The following DLC1 variants were observed in gnomAD, a reference collection of about 807,000 sequenced individuals.
DLC1 encodes the protein rho GTPase-activating protein 7.
In DLC1, 54 loss-of-function variants were observed where a neutral mutation model predicts 140.3. The observed-to-expected ratio is 0.38, with a 90% CI of 0.31 to 0.48. The LOEUF is 0.48. Among genes scored for constraint, DLC1 ranks in the 20% least tolerant of loss-of-function variants. The pLI is 0.96. For synonymous variants in DLC1, 986 were observed against 728.1 expected, an observed-to-expected ratio of 1.35 and a Z score of -5.70; for missense variants, 2,536 against 1,907.0, an observed-to-expected ratio of 1.33 and a Z score of -6.14.
intron 5 of DLC1, chr8:13,214,558 T>A (rs1291010822): frequency 6.7e-6 from 1 of 149,758 alleles, no homozygotes; most frequent in African/African-American, 6.8e-5. Flanking sequence ...CAACCCCACC[T>A]TTTTTTTTTT....
At chr8:13,212,273 G>GTCTA (rs1178613465) in intron 5 of DLC1, among the ~76,000 whole-genome samples, 1 of 152,042 alleles carries the variant, frequency 6.6e-6, no homozygotes, top group Non-Finnish European at 1.5e-5. Flanking sequence ...CCTCTGCCCT[G>GTCTA]TCTATATTCC....
chr8:13,576,723 C>A (rs1029032317), intron 1 of DLC1, among the ~76,000 whole-genome samples: 2 of 152,078 alleles, frequency 1.3e-5, no homozygotes, highest in African/African-American at 4.8e-5. Flanking sequence ...ATGAATCTCC[C>A]CAGAGTAGGG....
At chr8:13,359,870 C>T (rs57906388) in intron 4 of DLC1, among the ~76,000 whole-genome samples, 2 of 152,084 alleles carry the variant, frequency 1.3e-5, no homozygotes, top group East Asian at 3.9e-4. Context: ...TCATGCTATT[C>T]AGGCCATTAT....
intron 4 of DLC1, among the ~76,000 whole-genome samples, chr8:13,374,774 T>A (rs1586230701): frequency 6.6e-6 from 1 of 152,136 alleles, no homozygotes; most frequent in East Asian, 1.9e-4. Flanking sequence ...AGAGAGAGAC[T>A]CCGTCTTGGG....
At chr8:13,489,534 A>G (rs962596401) in intron 2 of DLC1, among the ~76,000 whole-genome samples, 2 of 151,898 alleles carry the variant, frequency 1.3e-5, no homozygotes, top group African/African-American at 2.4e-5. Flanking sequence ...TGTATATATT[A>G]ACTCATTTAA....
chr8:13,559,888 C>T (rs1804179580), intron 1 of DLC1, among the ~76,000 whole-genome samples: 1 of 151,440 alleles, frequency 6.6e-6, no homozygotes, highest in South Asian at 2.1e-4. Context: ...TGTTCAATAG[C>T]ACTGCCCAAA....
intron 5 of DLC1, among the ~76,000 whole-genome samples, chr8:13,303,981 C>A (rs772274393): frequency 6.6e-6 from 1 of 152,158 alleles, no homozygotes; most frequent in Non-Finnish European, 1.5e-5. Flanking sequence ...GACCAGCCAA[C>A]AACTCACATC....
intron 5 of DLC1, among the ~76,000 whole-genome samples, chr8:13,120,212 G>A (rs531122699): frequency 4.0e-5 from 6 of 150,584 alleles, no homozygotes; most frequent in South Asian, 2.1e-4. Flanking sequence ...GCGTGGTGGC[G>A]GGTGCCTGTA....
chr8:13,173,152 G>A lies in DLC1; in HGVS notation c.1349-57495C>T, dbSNP rs138674673. On this transcript the variant is annotated intron_variant, in intron 5 of 17. Coordinates refer to ENST00000276297, the MANE Select transcript of DLC1 (RefSeq NM_182643.3). ...CTTGAATAGCTTGAAGTAGACAAAC[G>A]TTTGAGCCCTATTTTTAAAGTTCCC... 4.6e-5 allele frequency among the ~76,000 whole-genome samples: 7 copies of A among 152,182 alleles called. 1 individual carries two copies. The highest frequency in any genetic ancestry group is 1.7e-4 in the African/African-American group (7 of 41,544).
At chr8:13,543,848 AG>A (rs1228958814) in intron 1 of DLC1, among the ~76,000 whole-genome samples, 1 of 152,032 alleles carries the variant, frequency 6.6e-6, no homozygotes, top group Admixed American at 6.6e-5. Context: ...AGAAGAGGGG[AG>A]GGCGAGTGGG....
intron 5 of DLC1, among the ~76,000 whole-genome samples, chr8:13,273,395 T>C (rs924418186): frequency 1.3e-5 from 2 of 151,936 alleles, no homozygotes; most frequent in African/African-American, 4.8e-5. Context: ...TACCTTGGGG[T>C]TGGGAATAAT....
At chr8:13,128,845 A>AAAG (rs1821826220) in intron 5 of DLC1, among the ~76,000 whole-genome samples, 1 of 150,038 alleles carries the variant, frequency 6.7e-6, no homozygotes, top group South Asian at 2.1e-4. Context: ...AAAAAAAAAA[A>AAAG]AGAGAAAAAA....
rs190133097 is a variant in DLC1, at chr8:13,190,460, T to G, written c.1349-74803A>C. ...CTGTCTGCAGACAGTATTCTCTCTCTCTCTTTCTGGACCTTGGAATTACAT... is the reference window on the plus strand; with the variant it reads ...CTGTCTGCAGACAGTATTCTCTCTCGCTCTTTCTGGACCTTGGAATTACAT... On this transcript the variant is annotated intron_variant, in intron 5 of 17. Coordinates refer to ENST00000276297, the MANE Select transcript of DLC1 (RefSeq NM_182643.3). Among the ~76,000 whole-genome samples the G allele has an allele frequency of 2.9e-3, 436 of 152,282 alleles. 1 individual carries two copies. The highest frequency in any genetic ancestry group is 4.9e-3 in the Non-Finnish European group (334 of 68,020).
At chr8:13,331,705 G>T (rs2116946039) in intron 4 of DLC1, among the ~76,000 whole-genome samples, 1 of 151,460 alleles carries the variant, frequency 6.6e-6, no homozygotes, top group African/African-American at 2.4e-5. Context: ...CCAAATCCAA[G>T]AAACTTTTCA....
chr8:13,185,122 C>CTTTTTTTTTTTT (rs1193667992), intron 5 of DLC1, among the ~76,000 whole-genome samples: 17 of 84,562 alleles, frequency 2.0e-4, no homozygotes, highest in African/African-American at 4.7e-4. Flanking sequence ...GCAACCCCTG[C>CTTTTTTTTTTTT]TTTTTTTTTT....
intron 5 of DLC1, among the ~76,000 whole-genome samples, chr8:13,141,251 T>C (rs1822964735): frequency 3.8e-5 from 2 of 52,506 alleles, no homozygotes; most frequent in Non-Finnish European, 7.1e-5. Flanking sequence ...TGCAAGAGTC[T>C]GTCTCAAAAA....
chr8:13,292,131 G>T (rs1307161405), intron 5 of DLC1, among the ~76,000 whole-genome samples: 1 of 151,718 alleles, frequency 6.6e-6, no homozygotes, highest in Non-Finnish European at 1.5e-5. Context: ...TTTTTAAAAA[G>T]TTGGCTTCCA....
intron 8 of DLC1, among the ~76,000 whole-genome samples, chr8:13,101,517 G>C (rs1819088756): frequency 6.6e-6 from 1 of 152,116 alleles, no homozygotes. Context: ...TAAGAAGAGT[G>C]GCAACTTAAA....
intron 5 of DLC1, among the ~76,000 whole-genome samples, chr8:13,149,990 C>A (rs1390563063): frequency 6.6e-6 from 1 of 152,248 alleles, no homozygotes; most frequent in African/African-American, 2.4e-5. Context: ...TTCTCAAGAT[C>A]TGTCAGCTCT....
Sources: gnomAD v4.1 joint callset for allele counts (sites outside exome capture counted in the v4.1 genomes callset) on GRCh38, gnomAD v4.1.1 for gene constraint, MANE v1.5 for transcripts, NCBI Gene and HGNC (gene_info 2026-07-23, HGNC 2026-07-21) for gene names.